Variants in RTKN observed in about 807,000 individuals in gnomAD.
The protein encoded by RTKN is rhotekin.
RTKN carries 49 observed loss-of-function variants against 63.5 expected under a neutral mutation model. The observed-to-expected ratio is 0.77, with a 90% CI of 0.61 to 0.98. The LOEUF is 0.98. Among genes scored for constraint, RTKN ranks in the 50% least tolerant of loss-of-function variants. RTKN has a pLI of 0.00. For synonymous variants in RTKN, 295 were observed against 290.4 expected, an observed-to-expected ratio of 1.02 and a Z score of -0.16; for missense variants, 685 against 740.8, an observed-to-expected ratio of 0.92 and a Z score of 0.87.
rs1229305845 is a variant in RTKN at position 74,427,494 on chromosome 2, GGT to G, written c.1183_1184del (p.Thr395ProfsTer22). ...NQYGDDEVTH[T>X]LQTESREALQ... ...GTGCTTCCCGACTTTCTGTCTGAAG[GGT>G]GTGTGTCACCTCATCATCCCCATAC... On this transcript the variant is annotated frameshift_variant, in exon 10 of 12. Coordinates refer to ENST00000272430, the MANE Select transcript of RTKN (RefSeq NM_001015055.2). LOFTEE classifies it high-confidence loss of function. 1 of 1,614,144 alleles carries G rather than the reference GGT, an allele frequency of 6.2e-7. No homozygotes were observed. Among genetic ancestry groups the G allele is most frequent in the Admixed American group, 1.7e-5 (1 of 60,024 alleles).
rs551632720 is a variant in RTKN, at chr2:74,428,955, G to A, written c.756-13C>T. 1 of 1,608,758 alleles carries A rather than the reference G, an allele frequency of 6.2e-7. No individual in the cohort carries two copies. Among genetic ancestry groups the A allele is most frequent in the African/African-American group, 1.3e-5 (1 of 74,942 alleles). On this transcript the variant is annotated splice_polypyrimidine_tract_variant and intron_variant, in intron 6 of 11. Transcript: ENST00000272430. The stretch of plus-strand genomic sequence containing the variant: ...GTAACGAGGACCACTGAGGGAGATA[G>A]GAGAGAGCATCAGCCAAGGGAGGGG...
intron 1 of RTKN, chr2:74,440,255 G>A: frequency 1.5e-5 from 10 of 678,486 alleles, no homozygotes; most frequent in Non-Finnish European, 1.8e-5. Flanking sequence ...CCAGGGAATG[G>A]GACAAAGGGG....
At chr2:74,427,099 T>C in intron 11 of RTKN, 70 bp downstream of exon 11, 5 of 1,551,698 alleles carry the variant, frequency 3.2e-6, no homozygotes, top group Non-Finnish European at 4.4e-6. Context: ...GTTTCCATTA[T>C]CTGGTTTCTC....
intron 11 of RTKN, 57 bp downstream of exon 11, chr2:74,427,112 G>A (rs759768701): frequency 2.4e-5 from 37 of 1,565,984 alleles, no homozygotes; most frequent in Non-Finnish European, 3.1e-5. Flanking sequence ...GGTTTCTCTT[G>A]AAGTCCCCAA....
Position 74,430,388 on chromosome 2 carries a change from A to G in RTKN, c.428-19T>C, listed in dbSNP as rs1670678819. On this transcript the variant is annotated intron_variant, in intron 4 of 11. Transcript: ENST00000272430. ...TGCAAGTCTGGGGACAAAGGGCAAA[A>G]CAAAAAACACGTCCCACGAGAGCCT... 6.2e-7 allele frequency: 1 copy of G among 1,613,934 alleles called. No individual in the cohort carries two copies. Among genetic ancestry groups the G allele is most frequent in the South Asian group, 1.1e-5 (1 of 91,088 alleles).
At chr2:74,429,595 AG>A (rs3216579) in intron 6 of RTKN, among the ~76,000 whole-genome samples, 11,934 of 152,188 alleles carry the variant, frequency 0.078, 1,246 homozygotes, top group East Asian at 0.36. Context: ...TAAAAAGGTA[AG>A]ACCCCAGGGC....
At chr2:74,438,452 C>T (rs1166775284) in intron 1 of RTKN, among the ~76,000 whole-genome samples, 1 of 152,164 alleles carries the variant, frequency 6.6e-6, no homozygotes, top group African/African-American at 2.4e-5. Context: ...CCACCCCCAA[C>T]CCTACCCTCA....
chr2:74,428,332 C>G lies in RTKN; in HGVS notation c.1022G>C (p.Cys341Ser). 6.2e-7 allele frequency: 1 copy of G among 1,614,180 alleles called. No homozygotes were observed. Among genetic ancestry groups the G allele is most frequent in the South Asian group, 1.1e-5 (1 of 91,086 alleles). The change falls in exon 9 of 12, where the codon TGT becomes TCT. Residue 341 changes from cysteine (C) to serine (S), a missense_variant. Physicochemically the swap from Cys to Ser is moderately radical, Grantham distance 112. Coordinates refer to ENST00000272430, the MANE Select transcript of RTKN (RefSeq NM_001015055.2). ...HGVLKGTNLF[C>S]YRQPEDADTG... ...GTCTGCATCCTCAGGTTGCCGGTAA[C>G]AGAAGAGGTTTGTGCCTTTCAGAAC...
At chr2:74,435,055 C>T (rs140864218) in intron 1 of RTKN, among the ~76,000 whole-genome samples, 1,852 of 152,256 alleles carry the variant, frequency 0.012, 42 homozygotes, top group African/African-American at 0.042. Flanking sequence ...GAAACCTATA[C>T]ACCCCAAATT....
chr2:74,441,284 T>TGGCTGCG (rs1195075671), intron 1 of RTKN, among the ~76,000 whole-genome samples: 2 of 152,236 alleles, frequency 1.3e-5, no homozygotes, highest in African/African-American at 4.8e-5. Context: ...CTGGCCCAGA[T>TGGCTGCG]GGCTGCGACA....
intron 1 of RTKN, chr2:74,440,493 G>A (rs1485363210): frequency 6.1e-6 from 6 of 986,634 alleles, no homozygotes; most frequent in Non-Finnish European, 6.0e-6. Context: ...GCAGCCTAGC[G>A]CCCCCGCCTC....
At chr2:74,439,543 G>A (rs1444964051) in intron 1 of RTKN, 3 of 1,613,984 alleles carry the variant, frequency 1.9e-6, no homozygotes, top group Non-Finnish European at 2.5e-6. Flanking sequence ...CAAGGGTCGG[G>A]GGATTACCTC....
intron 1 of RTKN, among the ~76,000 whole-genome samples, chr2:74,440,857 G>C (rs1252829423): frequency 1.3e-5 from 2 of 152,260 alleles, no homozygotes; most frequent in Non-Finnish European, 2.9e-5. Flanking sequence ...AATCCCAGCC[G>C]GGAGGTAGAG....
At position 74,439,851 on chromosome 2, in the gene RTKN, G is replaced by T; in HGVS notation, c.111+1855C>A. 3 of 1,365,816 alleles carry T rather than the reference G, an allele frequency of 2.2e-6. No homozygotes were observed. The East Asian group carries it at 8.0e-5, about 36-fold the overall frequency. The allele number at this position is 1,365,816 out of a possible 1,614,324, so 84.6% of individuals were successfully genotyped here. A position where few individuals can be genotyped will look rare whatever the true frequency, so the allele number is the denominator to read the frequency against. ...CACTGCTGCTCCGGGGCCCTGCCGGGAGCCAGGCAGGGAAGAAAAAGAAAG... is the reference window on the plus strand; with the variant it reads ...CACTGCTGCTCCGGGGCCCTGCCGGTAGCCAGGCAGGGAAGAAAAAGAAAG... On this transcript the variant is annotated intron_variant, in intron 1 of 11. Transcript: ENST00000272430.
chr2:74,430,398 C>G, intron 4 of RTKN, 29 bp from the exon 5 acceptor site: 1 of 1,613,100 alleles, frequency 6.2e-7, no homozygotes, highest in South Asian at 1.1e-5. Context: ...ACAAAAAACA[C>G]GTCCCACGAG....
intron 5 of RTKN, 86 bp from the exon 6 acceptor site, chr2:74,430,123 G>C: frequency 6.5e-7 from 1 of 1,534,442 alleles, no homozygotes; most frequent in South Asian, 1.2e-5. Flanking sequence ...GTGCAGGACA[G>C]CTCCACAGAG....
intron 2 of RTKN, chr2:74,430,968 A>G (rs1670716760): frequency 2.3e-6 from 1 of 428,542 alleles, no homozygotes; most frequent in Non-Finnish European, 4.2e-6. Flanking sequence ...ATCCCTGCCA[A>G]GGACAGGTGC....
chr2:74,437,901 G>C (rs1671143015), intron 1 of RTKN, among the ~76,000 whole-genome samples: 2 of 152,148 alleles, frequency 1.3e-5, no homozygotes, highest in Admixed American at 1.3e-4. Flanking sequence ...AACCAGACCA[G>C]GACTCTCACC....
chr2:74,432,307 A>C, intron 2 of RTKN, 160 bp downstream of exon 2: 2 of 780,700 alleles, frequency 2.6e-6, no homozygotes, highest in South Asian at 2.8e-5. Context: ...TGGGCAACAC[A>C]CAGTGGTGGT....
Sources: gnomAD v4.1 joint callset for allele counts (sites outside exome capture counted in the v4.1 genomes callset) on GRCh38, gnomAD v4.1.1 for gene constraint, MANE v1.5 for transcripts, NCBI Gene and HGNC (gene_info 2026-07-23, HGNC 2026-07-21) for gene names.